Variants in ATP7A observed in about 807,000 individuals in gnomAD.
The protein encoded by ATP7A is ATPase copper transporting alpha.
A neutral mutation model predicts 83.5 loss-of-function variants in ATP7A; 7 were observed. The ratio of observed to expected loss-of-function variants is 0.08; its 90% CI spans 0.05 to 0.16. ATP7A has a LOEUF of 0.16. Among genes scored for constraint, ATP7A ranks in the 10% least tolerant of loss-of-function variants. The pLI is 1.00. For missense variants in ATP7A, 940 were observed against 1,120.8 expected (o/e 0.84, Z 2.30); for synonymous variants, 354 against 395.2 (o/e 0.90, Z 1.24).
At chrX:77,946,503 A>G (rs2077380266) in intron 1 of ATP7A, among the ~76,000 whole-genome samples, 1 of 110,157 alleles carries the variant, frequency 9.1e-6, no homozygotes, top group Non-Finnish European at 1.9e-5. Context: ...CATTTAAAGT[A>G]TATATAACAA....
chrX:77,978,431 T>A (rs2077587802), intron 2 of ATP7A, among the ~76,000 whole-genome samples: 1 of 111,368 alleles, frequency 9.0e-6, no homozygotes, highest in Non-Finnish European at 1.9e-5. Flanking sequence ...TAAATGAATG[T>A]TACCAGTTCA....
chrX:78,023,519 A>T, intron 14 of ATP7A, among the ~76,000 whole-genome samples: 1 of 110,458 alleles, frequency 9.1e-6, no homozygotes. Flanking sequence ...GGGGTATTTC[A>T]TTGTGGTTTT....
chrX:77,996,552 C>T (rs2077706320), intron 4 of ATP7A, among the ~76,000 whole-genome samples: 1 of 111,582 alleles, frequency 9.0e-6, no homozygotes, highest in African/African-American at 3.3e-5. Context: ...ATGAAGAAGG[C>T]TTTGCTCTTT....
chrX:78,016,718 A>G (rs1557235200), intron 12 of ATP7A, among the ~76,000 whole-genome samples: 8 of 112,201 alleles, frequency 7.1e-5, no homozygotes. Flanking sequence ...TAAATCTTAA[A>G]GCTCCAAAAT....
intron 1 of ATP7A, among the ~76,000 whole-genome samples, chrX:77,939,611 T>C (rs2077339787): frequency 9.0e-6 from 1 of 110,971 alleles, no homozygotes; most frequent in Non-Finnish European, 1.9e-5. Flanking sequence ...AATTTATACA[T>C]TCTATAGAAA....
At position 78,048,269 on chromosome X, in the gene ATP7A, T is replaced by C. The variant is rs1248536168; in HGVS notation, c.*1699T>C. 8.9e-6 allele frequency: 1 copy of C among 112,255 alleles called. No homozygotes were observed. Among genetic ancestry groups the C allele is most frequent in the African/African-American group, 3.2e-5 (1 of 30,916 alleles). The allele number at this position is 112,255 out of a possible 1,213,427, so 9.3% of individuals were successfully genotyped here. On this transcript the variant is annotated 3_prime_UTR_variant, in exon 23 of 23. Coordinates refer to ENST00000341514, the MANE Select transcript of ATP7A (RefSeq NM_000052.7). ...TGTTAGTTGCAAGATGGATTTCATA[T>C]GCAGAATATGTAAATGAAGAGGACT... is the stretch of plus-strand genomic sequence containing the variant.
rs1557231769 is a variant in ATP7A, at chrX:77,989,408, C to T, written c.786C>T (p.Ser262=). ...GTCTAAAGAACACACCAGTTAAATC[C>T]TCAGAAGGGTCACAGCAAAGGAGTC... ...VERLKNTPVK[S]SEGSQQRSPS... is the part of the protein sequence containing the mutation. The change falls in exon 4 of 23, where the codon TCC becomes TCT. Residue 262 remains serine (S), a synonymous_variant. Transcript: ENST00000341514. 8.3e-7 allele frequency: 1 copy of T among 1,211,481 alleles called. No homozygotes were observed. The highest frequency in any genetic ancestry group is 1.8e-5 in the South Asian group (1 of 56,992).
At chrX:78,013,753 A>T (rs1468445732) in intron 10 of ATP7A, among the ~76,000 whole-genome samples, 2 of 111,625 alleles carry the variant, frequency 1.8e-5, no homozygotes, top group African/African-American at 6.5e-5. Context: ...ATTACAAAGG[A>T]TGTGTTTACT....
In ATP7A at chrX:78,015,837, G is replaced by T; in HGVS notation, c.2582G>T (p.Arg861Leu). 2 of 1,211,477 alleles carry T rather than the reference G, an allele frequency of 1.7e-6. No individual in the cohort carries two copies. Among genetic ancestry groups the T allele is most frequent in the Non-Finnish European group, 2.2e-6 (2 of 895,130 alleles). ...VPGGKFPVDG[R>L]VIEGHSMVDE... is the part of the protein sequence containing the mutation. ...GGAGGCAAATTTCCAGTGGATGGTC[G>T]TGTTATTGAAGGACATTCTATGGTA... The change falls in exon 12 of 23, where the codon CGT becomes CTT. Residue 861 changes from arginine (R) to leucine (L), a missense_variant. Physicochemically the swap from Arg to Leu is moderately radical, Grantham distance 102 (BLOSUM62 -2). Transcript: ENST00000341514.
intron 4 of ATP7A, among the ~76,000 whole-genome samples, chrX:77,993,238 A>G (rs1557232245): frequency 8.9e-6 from 1 of 112,105 alleles, no homozygotes. Context: ...AAGCAAGGGC[A>G]TCATAAACTT....
At chrX:77,977,304 C>A (rs190092627) in intron 2 of ATP7A, among the ~76,000 whole-genome samples, 66 of 111,679 alleles carry the variant, frequency 5.9e-4, no homozygotes, top group African/African-American at 2.0e-3. Context: ...GTGTTGAGGG[C>A]CAGAACAGAA....
chrX:77,946,775 G>A lies in ATP7A; in HGVS notation c.-21-24846G>A, dbSNP rs1254418280. Reference sequence around the variant, plus strand: ...ACCTCAGAAAATATCAAGTGTTGGCGAGAAACTGGAACTCTTGTGCATTGT... The same window carrying A: ...ACCTCAGAAAATATCAAGTGTTGGCAAGAAACTGGAACTCTTGTGCATTGT... On this transcript the variant is annotated intron_variant, in intron 1 of 22. Transcript: ENST00000341514. 1.2e-4 allele frequency among the ~76,000 whole-genome samples: 13 copies of A among 106,780 alleles called. No homozygotes were observed. In the East Asian group the frequency reaches 3.2e-3, roughly 26 times the overall value. 92.7% of individuals were successfully genotyped at this position (106,780 alleles called of 115,157 possible).
chrX:77,983,511 T>A (rs2077616087), intron 2 of ATP7A, among the ~76,000 whole-genome samples: 1 of 111,871 alleles, frequency 8.9e-6, no homozygotes, highest in Non-Finnish European at 1.9e-5. Flanking sequence ...AATCGATCTT[T>A]ACAATCTCTG....
chrX:77,938,341 G>A (rs369584831), intron 1 of ATP7A, among the ~76,000 whole-genome samples: 89 of 112,455 alleles, frequency 7.9e-4, no homozygotes, highest in African/African-American at 1.6e-3. Flanking sequence ...TTTATCTTGC[G>A]GTTCAGGCAG....
chrX:77,915,109 G>A (rs1162370162), intron 1 of ATP7A, among the ~76,000 whole-genome samples: 11 of 111,657 alleles, frequency 9.9e-5, no homozygotes, highest in East Asian at 5.6e-4. Flanking sequence ...GAGCCCAGGC[G>A]TTCGAGACCA....
chrX:77,944,834 GTATTTATTTATTTATT>G (rs376448530), intron 1 of ATP7A, among the ~76,000 whole-genome samples: 4 of 107,379 alleles, frequency 3.7e-5, no homozygotes, highest in African/African-American at 1.0e-4. Context: ...ATGTATGTGT[GTATTTATTTATTTATT>G]TATTTATTTA....
rs527400576 is a variant in ATP7A at position 78,047,659 on chromosome X, A to T, written c.*1089A>T. The T allele has an allele frequency of 9.0e-6, 1 of 111,149 alleles. No individual in the cohort carries two copies. The highest frequency in any genetic ancestry group is 3.3e-5 in the African/African-American group (1 of 30,543). 9.2% of individuals were successfully genotyped at this position (111,149 alleles called of 1,213,427 possible). A position where few individuals can be genotyped will look rare whatever the true frequency, so the allele number is the denominator to read the frequency against. ...TCTTGGCTCACTGCAACCTCTGCCT[A>T]CCGGATTCAAGGAATTCTCCCTGCC... is the stretch of plus-strand genomic sequence containing the variant. On this transcript the variant is annotated 3_prime_UTR_variant, in exon 23 of 23. Transcript: ENST00000341514.
chrX:78,027,985 T>C (rs2077957175), intron 14 of ATP7A, among the ~76,000 whole-genome samples: 1 of 107,717 alleles, frequency 9.3e-6, no homozygotes, highest in African/African-American at 3.4e-5. Context: ...TGTTGGGAAG[T>C]TTTTTTGGTA....
intron 15 of ATP7A, 33 bp from the exon 16 acceptor site, chrX:78,031,367 T>C (rs2077982808): frequency 8.7e-7 from 1 of 1,152,404 alleles, no homozygotes; most frequent in Admixed American, 2.2e-5. Flanking sequence ...ATGTGGAGGA[T>C]CATCAAGTCA....
Sources: allele counts gnomAD v4.1 joint callset (sites outside exome capture counted in the v4.1 genomes callset), GRCh38; gene constraint gnomAD v4.1.1; transcripts MANE v1.5; gene names NCBI Gene and HGNC (gene_info 2026-07-23, HGNC 2026-07-21).